Variants in ROBO2 observed in about 807,000 individuals in gnomAD.
ROBO2 encodes the protein roundabout homolog 2.
ROBO2 carries 53 observed loss-of-function variants against 160.8 expected under a neutral mutation model. The ratio of observed to expected loss-of-function variants is 0.33; its 90% CI spans 0.26 to 0.41. The LOEUF (loss-of-function observed/expected upper bound fraction) is 0.41, where lower values mean the gene tolerates loss of function less well. Among genes scored for constraint, ROBO2 ranks in the 10% least tolerant of loss-of-function variants. ROBO2 has a pLI of 1.00. For synonymous variants in ROBO2, 664 were observed against 611.7 expected (o/e 1.09, Z -1.26); for missense variants, 1,577 against 1,722.4 (o/e 0.92, Z 1.49).
intron 2 of ROBO2, among the ~76,000 whole-genome samples, chr3:76,337,896 C>A (rs968723254): frequency 4.6e-5 from 7 of 152,034 alleles, no homozygotes; most frequent in African/African-American, 1.4e-4. Flanking sequence ...TTGGGCTCCA[C>A]CATAGGAGAT....
chr3:76,162,549 G>A (rs1471045955), intron 2 of ROBO2, among the ~76,000 whole-genome samples: 2 of 152,122 alleles, frequency 1.3e-5, no homozygotes, highest in Non-Finnish European at 2.9e-5. Context: ...TTTGCCATGA[G>A]CAATCTTCCT....
At chr3:75,959,430 G>T (rs1293052489) in intron 2 of ROBO2, among the ~76,000 whole-genome samples, 3 of 151,754 alleles carry the variant, frequency 2.0e-5, no homozygotes, top group African/African-American at 7.2e-5. Flanking sequence ...AAAGGGTTGA[G>T]CAGGTTTTCC....
At chr3:77,412,169 AAGTG>A (rs1485933420) in intron 2 of ROBO2, among the ~76,000 whole-genome samples, 1 of 152,208 alleles carries the variant, frequency 6.6e-6, no homozygotes, top group Non-Finnish European at 1.5e-5. Flanking sequence ...CATTTGATTA[AAGTG>A]AGGACAGCAA....
At chr3:76,143,291 A>G (rs1017504447) in intron 2 of ROBO2, among the ~76,000 whole-genome samples, 4 of 152,026 alleles carry the variant, frequency 2.6e-5, no homozygotes, top group African/African-American at 9.7e-5. Flanking sequence ...TCTGCCTCCG[A>G]AAGTGTTGGA....
chr3:76,753,195 A>G (rs912986561), intron 2 of ROBO2, among the ~76,000 whole-genome samples: 5 of 151,916 alleles, frequency 3.3e-5, no homozygotes, highest in African/African-American at 4.8e-5. Flanking sequence ...AGAAGAAAAT[A>G]TAAGCACAGA....
chr3:76,854,767 A>G (rs1427107750), intron 2 of ROBO2, among the ~76,000 whole-genome samples: 6 of 152,170 alleles, frequency 3.9e-5, no homozygotes, highest in African/African-American at 4.8e-5. Context: ...AATAGTTAGC[A>G]TAGAAATGTG....
At chr3:76,390,723 C>T (rs1274834213) in intron 2 of ROBO2, among the ~76,000 whole-genome samples, 2 of 152,126 alleles carry the variant, frequency 1.3e-5, no homozygotes, top group East Asian at 3.9e-4. Flanking sequence ...TCTGTCTTCC[C>T]TCCTTTCTAA....
chr3:76,335,339 C>T (rs947492285), intron 2 of ROBO2, among the ~76,000 whole-genome samples: 2 of 151,472 alleles, frequency 1.3e-5, no homozygotes, highest in Non-Finnish European at 2.9e-5. Flanking sequence ...TGCCACCACG[C>T]CTGGTTAATT....
intron 2 of ROBO2, among the ~76,000 whole-genome samples, chr3:77,359,109 A>T (rs997765785): frequency 6.6e-6 from 1 of 152,246 alleles, no homozygotes; most frequent in African/African-American, 2.4e-5. Context: ...GCAATGCATG[A>T]GTATCTAAAT....
intron 2 of ROBO2, among the ~76,000 whole-genome samples, chr3:77,185,225 G>A (rs569091664): frequency 6.6e-6 from 1 of 151,970 alleles, no homozygotes; most frequent in East Asian, 1.9e-4. Context: ...TGGAAATATA[G>A]GATAGTGGAT....
chr3:76,738,534 G>C (rs995685831), intron 2 of ROBO2, among the ~76,000 whole-genome samples: 1 of 152,156 alleles, frequency 6.6e-6, no homozygotes, highest in Non-Finnish European at 1.5e-5. Context: ...TTGTCCCCTG[G>C]AGGAGGGAGA....
At chr3:76,454,518 T>C (rs772712653) in intron 2 of ROBO2, among the ~76,000 whole-genome samples, 19 of 152,058 alleles carry the variant, frequency 1.2e-4, no homozygotes, top group Non-Finnish European at 2.2e-4. Flanking sequence ...GGTTAGAACG[T>C]TGGGGTAAGA....
intron 23 of ROBO2, among the ~76,000 whole-genome samples, chr3:77,624,813 T>G (rs985476400): frequency 6.6e-6 from 1 of 152,132 alleles, no homozygotes; most frequent in African/African-American, 2.4e-5. Context: ...TAAAGAGATC[T>G]AACAGTTACA....
At chr3:77,133,115 A>G (rs1360563628) in intron 2 of ROBO2, among the ~76,000 whole-genome samples, 2 of 152,206 alleles carry the variant, frequency 1.3e-5, no homozygotes, top group African/African-American at 4.8e-5. Context: ...AGCAAAATGC[A>G]TCATAGGACA....
intron 1 of ROBO2, among the ~76,000 whole-genome samples, chr3:77,095,284 G>A (rs2070890266): frequency 6.6e-6 from 1 of 152,082 alleles, no homozygotes; most frequent in Admixed American, 6.5e-5. Flanking sequence ...AATGATAAAT[G>A]AGTAAAATTC....
chr3:75,965,765 ATAGATTT>A (rs1393998347), intron 2 of ROBO2, among the ~76,000 whole-genome samples: 1 of 151,680 alleles, frequency 6.6e-6, no homozygotes, highest in Non-Finnish European at 1.5e-5. Context: ...CACATGATTA[ATAGATTT>A]TAGAATTAAC....
intron 2 of ROBO2, among the ~76,000 whole-genome samples, chr3:77,312,336 C>T (rs1297255232): frequency 6.6e-6 from 1 of 152,076 alleles, no homozygotes; most frequent in African/African-American, 2.4e-5. Flanking sequence ...CATCTTGTAT[C>T]ATATCATTCA....
chr3:77,221,457 G>C (rs1170023128), intron 2 of ROBO2, among the ~76,000 whole-genome samples: 1 of 152,154 alleles, frequency 6.6e-6, no homozygotes, highest in Non-Finnish European at 1.5e-5. Context: ...AGGAAGCAGA[G>C]GCTAATATTG....
At chr3:77,237,713 TTTG>T (rs547433345) in intron 2 of ROBO2, among the ~76,000 whole-genome samples, 1 of 152,140 alleles carries the variant, frequency 6.6e-6, no homozygotes, top group South Asian at 2.1e-4. Flanking sequence ...TGTGTGCAGT[TTTG>T]TTGTTGTTGT....
Sources: gnomAD v4.1 joint callset for allele counts (sites outside exome capture counted in the v4.1 genomes callset) on GRCh38, gnomAD v4.1.1 for gene constraint, MANE v1.5 for transcripts, NCBI Gene and HGNC (gene_info 2026-07-23, HGNC 2026-07-21) for gene names.